LYPLAL1: variants seen among roughly 807,000 people sequenced by gnomAD.
LYPLAL1 encodes the protein lysophospholipase like 1.
Under a neutral mutation model 19.7 loss-of-function variants are expected in LYPLAL1, and 23 were observed. That is an observed-to-expected ratio of 1.17 (90% CI 0.84 to 1.65). The LOEUF (loss-of-function observed/expected upper bound fraction) is 1.65, where lower values mean the gene tolerates loss of function less well. Among genes scored for constraint, LYPLAL1 ranks in the 40% most tolerant of loss-of-function variants. The probability of loss-of-function intolerance (pLI) is 0.00; values close to 1 mark genes in which losing one functional copy is unlikely to be tolerated. For synonymous variants in LYPLAL1, 119 were observed against 96.3 expected (o/e 1.24, Z -1.38); for missense variants, 355 against 279.4 (o/e 1.27, Z -1.93).
At chr1:219,419,594 C>CACACAGAGAGAGAGAGAG in the LYPLAL1 span, among the ~76,000 whole-genome samples, 5 of 99,528 alleles carry the variant, frequency 5.0e-5, no homozygotes, top group African/African-American at 1.2e-4. Context: ...CACACACACA[C>CACACAGAGAGAGAGAGAG]AGAGAGAGAG....
the LYPLAL1 span, among the ~76,000 whole-genome samples, chr1:219,335,039 C>T: frequency 6.6e-6 from 1 of 151,926 alleles, no homozygotes; most frequent in Non-Finnish European, 1.5e-5. Context: ...TTTCCAAACC[C>T]ACTTCTCAAA....
At chr1:219,202,879 G>A (rs551352549) in intron 3 of LYPLAL1, among the ~76,000 whole-genome samples, 1 of 151,810 alleles carries the variant, frequency 6.6e-6, no homozygotes, top group South Asian at 2.1e-4. Context: ...TAGAGATGGA[G>A]TCTCTCTATG....
At chr1:219,259,419 ATATATAT>A in the LYPLAL1 span, among the ~76,000 whole-genome samples, 1 of 144,982 alleles carries the variant, frequency 6.9e-6, no homozygotes, top group Non-Finnish European at 1.5e-5. Flanking sequence ...ATATATATAT[ATATATAT>A]ATATGTATAT....
Position 219,193,064 on chromosome 1 carries a change from G to GT in LYPLAL1, c.192-18_192-17insT, listed in dbSNP as rs1339131345. 1.3e-6 allele frequency: 2 copies of GT among 1,514,690 alleles called. No individual in the cohort carries two copies. The highest frequency in any genetic ancestry group is 1.3e-5 in the South Asian group (1 of 77,568). The allele number at this position is 1,514,690 out of a possible 1,614,324, so 93.8% of individuals were successfully genotyped here. A position where few individuals can be genotyped will look rare whatever the true frequency, so the allele number is the denominator to read the frequency against. On this transcript the variant is annotated splice_polypyrimidine_tract_variant and intron_variant, in intron 2 of 4. Coordinates refer to ENST00000366928, the MANE Select transcript of LYPLAL1 (RefSeq NM_138794.5). The stretch of plus-strand genomic sequence containing the variant: ...CTTTTCCTTTCTTTTTTTTTGGGGG[G>GT]GGGCGGTTGTTAAACAGATCATATA...
intron 1 of LYPLAL1, among the ~76,000 whole-genome samples, chr1:219,176,553 C>G (rs1425689885): frequency 6.6e-6 from 1 of 152,110 alleles, no homozygotes; most frequent in Non-Finnish European, 1.5e-5. Flanking sequence ...AAAAAACTCT[C>G]CTGGTTCTTT....
the LYPLAL1 span, among the ~76,000 whole-genome samples, chr1:219,315,368 C>G: frequency 6.6e-6 from 1 of 151,988 alleles, no homozygotes. Context: ...TTGAGTCAAT[C>G]TTCGCCTAGA....
chr1:219,378,801 G>A, the LYPLAL1 span, among the ~76,000 whole-genome samples: 1 of 152,134 alleles, frequency 6.6e-6, no homozygotes, highest in East Asian at 1.9e-4. Flanking sequence ...GCTGAGGGGA[G>A]GTGGAGGAGA....
At chr1:219,190,622 TA>T (rs35544870) in intron 2 of LYPLAL1, among the ~76,000 whole-genome samples, 6 of 86,008 alleles carry the variant, frequency 7.0e-5, no homozygotes, top group Non-Finnish European at 1.3e-4. Flanking sequence ...TTTTGTCCAG[TA>T]AAAAAAAAAA....
chr1:219,269,902 T>C, the LYPLAL1 span, among the ~76,000 whole-genome samples: 481 of 152,308 alleles, frequency 3.2e-3, 2 homozygotes, highest in African/African-American at 0.01. Flanking sequence ...CTAGAAATCA[T>C]AAAAATACCA....
chr1:219,367,930 A>G, the LYPLAL1 span, among the ~76,000 whole-genome samples: 1 of 139,282 alleles, frequency 7.2e-6, no homozygotes, highest in Non-Finnish European at 1.5e-5. Context: ...CCTCGACTTG[A>G]TCTATGGCTT....
At chr1:219,342,310 G>C in the LYPLAL1 span, among the ~76,000 whole-genome samples, 1 of 152,088 alleles carries the variant, frequency 6.6e-6, no homozygotes, top group Admixed American at 6.6e-5. Flanking sequence ...GATAGAGATA[G>C]TAAATCCTCC....
the LYPLAL1 span, among the ~76,000 whole-genome samples, chr1:219,360,718 A>G: frequency 6.6e-6 from 1 of 152,156 alleles, no homozygotes; most frequent in Non-Finnish European, 1.5e-5. Flanking sequence ...TGCTCAGTTC[A>G]TACCACTTCT....
the LYPLAL1 span, among the ~76,000 whole-genome samples, chr1:219,315,968 T>A: frequency 1.8e-4 from 27 of 152,058 alleles, no homozygotes; most frequent in African/African-American, 5.8e-4. Context: ...GGAAAAAAAA[T>A]GCCCCATGGC....
intron 1 of LYPLAL1, chr1:219,175,026 C>A: frequency 1.0e-6 from 1 of 985,356 alleles, no homozygotes; most frequent in Non-Finnish European, 1.2e-6. Context: ...GACGGGTAGG[C>A]TTAAATGGGA....
chr1:219,376,006 G>T, the LYPLAL1 span, among the ~76,000 whole-genome samples: 5 of 152,118 alleles, frequency 3.3e-5, no homozygotes, highest in African/African-American at 1.2e-4. Context: ...CTCCCAAAGT[G>T]CTGGGATTAC....
At chr1:219,329,778 A>G in the LYPLAL1 span, among the ~76,000 whole-genome samples, 61 of 152,314 alleles carry the variant, frequency 4.0e-4, no homozygotes, top group Non-Finnish European at 7.3e-4. Context: ...TCGGTCAGCT[A>G]TGACAGCATA....
the LYPLAL1 span, among the ~76,000 whole-genome samples, chr1:219,364,692 T>C: frequency 6.6e-6 from 1 of 152,130 alleles, no homozygotes; most frequent in Non-Finnish European, 1.5e-5. Flanking sequence ...TTAAATAAAA[T>C]AAAGAAATAT....
chr1:219,200,839 G>A (rs1658039702), intron 3 of LYPLAL1, among the ~76,000 whole-genome samples: 1 of 152,222 alleles, frequency 6.6e-6, no homozygotes, highest in Non-Finnish European at 1.5e-5. Context: ...GGGTCCTGAG[G>A]ACAGGAGCTT....
chr1:219,244,725 C>A, the LYPLAL1 span, among the ~76,000 whole-genome samples: 1 of 152,024 alleles, frequency 6.6e-6, no homozygotes, highest in African/African-American at 2.4e-5. Context: ...GTAGGCAGAT[C>A]ACCTGAGGTC....
Sources: allele counts gnomAD v4.1 joint callset (sites outside exome capture counted in the v4.1 genomes callset), GRCh38; gene constraint gnomAD v4.1.1; transcripts MANE v1.5; gene names NCBI Gene and HGNC (gene_info 2026-07-23, HGNC 2026-07-21).